ELP1: variants seen among roughly 807,000 people sequenced by gnomAD.
ELP1 encodes elongator acetyltransferase complex subunit 1, also known as elongator complex protein 1.
Under a neutral mutation model 183.2 loss-of-function variants are expected in ELP1, and 131 were observed. That is an observed-to-expected ratio of 0.72 (90% CI 0.62 to 0.83). The LOEUF is 0.83. Among genes scored for constraint, ELP1 ranks in the 40% least tolerant of loss-of-function variants. The probability of loss-of-function intolerance (pLI) is 0.00; values close to 1 mark genes in which losing one functional copy is unlikely to be tolerated. For synonymous variants in ELP1, 555 were observed against 569.0 expected (o/e 0.98, Z 0.35); for missense variants, 1,550 against 1,594.9 (o/e 0.97, Z 0.48).
chr9:108,914,867 CGCCCG>C (rs1564098796), intron 10 of ELP1, among the ~76,000 whole-genome samples: 3 of 152,098 alleles, frequency 2.0e-5, no homozygotes, highest in African/African-American at 7.2e-5. Context: ...CCTCGTGATC[CGCCCG>C]CCTCGGCCTC....
chr9:108,893,041 T>C lies in ELP1; in HGVS notation c.2903A>G (p.Lys968Arg). 6.2e-7 allele frequency: 1 copy of C among 1,614,022 alleles called. No individual in the cohort carries two copies. The highest frequency in any genetic ancestry group is 1.3e-5 in the African/African-American group (1 of 75,056). ...CTTCAGAGCTTCGTTATACAAGTTT[T>C]TATCTTTTATCAAGTTTAAGCATTC... ...FPECLNLIKD[K>R]NLYNEALKLY... Residue 968 changes from lysine to arginine, a missense_variant, in exon 27 of 37, where the codon AAA becomes AGA. Transcript: ENST00000374647.
At chr9:108,899,260 A>G (rs1394260759) in intron 20 of ELP1, among the ~76,000 whole-genome samples, 2 of 152,018 alleles carry the variant, frequency 1.3e-5, no homozygotes, top group Admixed American at 6.6e-5. Flanking sequence ...AGATTGCGCC[A>G]CTGTACTCCA....
At chr9:108,904,739 G>T (rs912261270) in intron 14 of ELP1, among the ~76,000 whole-genome samples, 14 of 152,174 alleles carry the variant, frequency 9.2e-5, no homozygotes, top group Non-Finnish European at 1.5e-4. Flanking sequence ...ACTTTACAGA[G>T]GTATTATGAG....
At chr9:108,910,757 A>G (rs1384576462) in intron 12 of ELP1, among the ~76,000 whole-genome samples, 4 of 151,930 alleles carry the variant, frequency 2.6e-5, no homozygotes, top group Admixed American at 1.3e-4. Context: ...CCAGAGTCCA[A>G]TGTTATTCTT....
chr9:108,898,868 C>T, intron 20 of ELP1, 119 bp from the exon 21 acceptor site: 2 of 712,284 alleles, frequency 2.8e-6, no homozygotes, highest in South Asian at 3.1e-5. Context: ...CAATGCCAAG[C>T]TGCTATCACT....
In ELP1 at chr9:108,896,494, A is replaced by G. The variant is rs1828551714; in HGVS notation, c.2736+2T>C. 6.2e-7 allele frequency: 1 copy of G among 1,613,904 alleles called. No homozygotes were observed. Among genetic ancestry groups the G allele is most frequent in the Admixed American group, 1.7e-5 (1 of 60,004 alleles). On this transcript the variant is annotated splice_donor_variant, in intron 25 of 36. Coordinates refer to ENST00000374647, the MANE Select transcript of ELP1 (RefSeq NM_003640.5). LOFTEE classifies it high-confidence loss of function. ...TGGCATAAAAGTAAGAACTCCACAT[A>G]CCTTCTGTGACTTCTCAGCTACCAT...
chr9:108,922,230 G>A (rs1829670794), intron 6 of ELP1, among the ~76,000 whole-genome samples: 2 of 152,132 alleles, frequency 1.3e-5, no homozygotes, highest in Admixed American at 6.5e-5. Flanking sequence ...AAATATAAGA[G>A]TTTAAATGAA....
chr9:108,924,576 G>T (rs1015001239), intron 5 of ELP1, among the ~76,000 whole-genome samples: 4 of 152,074 alleles, frequency 2.6e-5, no homozygotes, highest in Admixed American at 2.6e-4. Flanking sequence ...CTCAAAGCTG[G>T]ATGCCCCAGA....
In ELP1 at chr9:108,897,197, G is replaced by T; in HGVS notation, c.2452C>A (p.Leu818Ile). 1 of 1,614,096 alleles carries T rather than the reference G, an allele frequency of 6.2e-7. No homozygotes were observed. The highest frequency in any genetic ancestry group is 1.1e-5 in the South Asian group (1 of 91,070). ...ACTGCTCTCATAGCATCGCAGACAAGGTCTATTTTATTCCCGTCAGGATCC... is the reference window on the plus strand; with the variant it reads ...ACTGCTCTCATAGCATCGCAGACAATGTCTATTTTATTCCCGTCAGGATCC... The part of the protein sequence containing the change: ...SRDPDGNKID[L>I]VCDAMRAVME... The change falls in exon 23 of 37, where the codon CTT becomes ATT. Residue 818 changes from leucine (L) to isoleucine (I), a missense_variant. Transcript: ENST00000374647.
chr9:108,910,328 T>C (rs539099293), intron 12 of ELP1, among the ~76,000 whole-genome samples: 11 of 152,212 alleles, frequency 7.2e-5, no homozygotes, highest in African/African-American at 2.4e-4. Context: ...CCATTTAAAT[T>C]AATTAATTTT....
intron 8 of ELP1, 70 bp downstream of exon 8, chr9:108,918,741 C>A (rs1268970484): frequency 9.9e-7 from 1 of 1,006,148 alleles, no homozygotes; most frequent in African/African-American, 1.6e-5. Context: ...TCTGTATCAT[C>A]TGTATCCATG....
rs549602223 is a variant in ELP1, at chr9:108,930,408, G to A, written c.151-487C>T. 9.2e-5 allele frequency among the ~76,000 whole-genome samples: 14 copies of A among 152,280 alleles called. No homozygotes were observed. In the South Asian group the frequency reaches 2.7e-3, roughly 29 times the overall value. On this transcript the variant is annotated intron_variant, in intron 2 of 36. Coordinates refer to ENST00000374647, the MANE Select transcript of ELP1 (RefSeq NM_003640.5). ...CTCAAACTTTTAGAAAGCTCCATGG[G>A]CAACTTTCGTGTTCATTCCCAATTA...
chr9:108,911,007 T>G lies in ELP1; in HGVS notation c.1360+3A>C. On this transcript the variant is annotated splice_donor_region_variant and intron_variant, in intron 12 of 36. Coordinates refer to ENST00000374647, the MANE Select transcript of ELP1 (RefSeq NM_003640.5). ...ACATCTTGGCAAAAGTTTTATAACA[T>G]ACCACATTTATAAACAGAAATCTGG... 1 of 1,613,470 alleles carries G rather than the reference T, an allele frequency of 6.2e-7. No individual in the cohort carries two copies. The highest frequency in any genetic ancestry group is 8.5e-7 in the Non-Finnish European group (1 of 1,179,388).
chr9:108,929,653 A>C, intron 3 of ELP1, 116 bp downstream of exon 3: 2 of 1,064,356 alleles, frequency 1.9e-6, no homozygotes, highest in Non-Finnish European at 2.8e-6. Context: ...TATAATGCAA[A>C]AATTAATTAG....
intron 4 of ELP1, among the ~76,000 whole-genome samples, chr9:108,926,828 G>C (rs1029668115): frequency 6.6e-6 from 1 of 152,122 alleles, no homozygotes; most frequent in African/African-American, 2.4e-5. Context: ...TGTGTGTACA[G>C]TTGAACTTAA....
At chr9:108,876,336 A>C (rs933917068) in intron 35 of ELP1, among the ~76,000 whole-genome samples, 1 of 152,178 alleles carries the variant, frequency 6.6e-6, no homozygotes. Flanking sequence ...CATTTCTTCT[A>C]AGAAATACCT....
intron 6 of ELP1, among the ~76,000 whole-genome samples, chr9:108,921,056 T>C (rs879597202): frequency 1.3e-5 from 2 of 152,216 alleles, no homozygotes; most frequent in Admixed American, 6.5e-5. Context: ...TACTGGGATA[T>C]AATTTACATA....
chr9:108,893,412 C>G (rs1046862814), intron 26 of ELP1, among the ~76,000 whole-genome samples: 1 of 152,174 alleles, frequency 6.6e-6, no homozygotes, highest in African/African-American at 2.4e-5. Context: ...CCACCTGAAT[C>G]AGATTCTCCA....
At chr9:108,907,163 C>T (rs1261179138) in intron 13 of ELP1, among the ~76,000 whole-genome samples, 1 of 152,182 alleles carries the variant, frequency 6.6e-6, no homozygotes, top group Non-Finnish European at 1.5e-5. Context: ...CTCTGGTTTT[C>T]ACTGACACTT....
Sources: allele counts gnomAD v4.1 joint callset (sites outside exome capture counted in the v4.1 genomes callset), GRCh38; gene constraint gnomAD v4.1.1; transcripts MANE v1.5; gene names NCBI Gene and HGNC (gene_info 2026-07-23, HGNC 2026-07-21).